Variants in NETO2 observed in about 807,000 individuals in gnomAD.
NETO2 encodes the protein neuropilin and tolloid-like protein 2.
Under a neutral mutation model 62.5 loss-of-function variants are expected in NETO2, and 28 were observed. That is an observed-to-expected ratio of 0.45 (90% confidence interval 0.33 to 0.61). NETO2 has a LOEUF of 0.61. Ranked by LOEUF, NETO2 falls within the 20% of genes least tolerant of loss-of-function variation. The pLI is 0.02. For missense variants in NETO2, 548 were observed against 643.2 expected (o/e 0.85, Z 1.60); for synonymous variants, 214 against 219.1 (o/e 0.98, Z 0.21).
chr16:47,136,712 A>AT (rs1964367448), intron 1 of NETO2, among the ~76,000 whole-genome samples: 1 of 152,134 alleles, frequency 6.6e-6, no homozygotes, highest in Non-Finnish European at 1.5e-5. Context: ...AGCCCCAAGA[A>AT]TTTATTATGA....
chr16:47,120,525 C>T (rs1250662904), intron 6 of NETO2, among the ~76,000 whole-genome samples: 3 of 152,154 alleles, frequency 2.0e-5, no homozygotes, highest in Non-Finnish European at 4.4e-5. Flanking sequence ...CCCAATTATG[C>T]TTATTTTAAA....
chr16:47,124,438 TA>T (rs547266003), intron 4 of NETO2, among the ~76,000 whole-genome samples: 1 of 152,002 alleles, frequency 6.6e-6, no homozygotes, highest in Non-Finnish European at 1.5e-5. Flanking sequence ...AGAATTTCAT[TA>T]AAAAAAATGA....
intron 1 of NETO2, among the ~76,000 whole-genome samples, chr16:47,141,830 A>C (rs1964466048): frequency 6.6e-6 from 1 of 152,368 alleles, no homozygotes; most frequent in Admixed American, 6.5e-5. Flanking sequence ...CCTGAAAGGT[A>C]CAACACTCAA....
At chr16:47,084,403 T>C (rs1963140386) in intron 8 of NETO2, among the ~76,000 whole-genome samples, 1 of 152,176 alleles carries the variant, frequency 6.6e-6, no homozygotes, top group South Asian at 2.1e-4. Context: ...TGGGTATCAC[T>C]GCAGGAGGTG....
intron 7 of NETO2, among the ~76,000 whole-genome samples, chr16:47,100,311 G>C (rs1189238049): frequency 1.3e-5 from 2 of 152,182 alleles, no homozygotes; most frequent in Non-Finnish European, 2.9e-5. Context: ...CTAAAGCAGT[G>C]TTTAGAGGGA....
Position 47,114,679 on chromosome 16 carries a change from C to T in NETO2, c.655-4968G>A, listed in dbSNP as rs1451056068. The stretch of plus-strand genomic sequence containing the variant: ...GTTAGCCAGGATGGCCTCGATTTCC[C>T]GACCTCGAGATCCGCCCGCCTCAGC... On this transcript the variant is annotated intron_variant, in intron 6 of 8. Coordinates refer to ENST00000562435, the MANE Select transcript of NETO2 (RefSeq NM_018092.5). Among the ~76,000 whole-genome samples the T allele has an allele frequency of 2.6e-5, 4 of 151,136 alleles. No individual in the cohort carries two copies. In the East Asian group the frequency reaches 7.8e-4, roughly 29 times the overall value.
intron 3 of NETO2, 62 bp from the exon 4 acceptor site, chr16:47,128,635 C>T (rs1434283574): frequency 1.1e-5 from 17 of 1,545,374 alleles, no homozygotes; most frequent in Non-Finnish European, 1.5e-5. Flanking sequence ...AATGTATTGA[C>T]ACAAATGAGA....
chr16:47,130,604 T>C (rs1254290578), intron 2 of NETO2, among the ~76,000 whole-genome samples: 1 of 152,030 alleles, frequency 6.6e-6, no homozygotes, highest in Non-Finnish European at 1.5e-5. Flanking sequence ...AAAACAAAGA[T>C]ACTGTACAAA....
chr16:47,120,764 T>C (rs187141231), intron 6 of NETO2, among the ~76,000 whole-genome samples: 13 of 152,364 alleles, frequency 8.5e-5, no homozygotes, highest in Middle Eastern at 6.8e-3. Flanking sequence ...AGCATCCTTT[T>C]GTAGACTATT....
intron 6 of NETO2, among the ~76,000 whole-genome samples, chr16:47,118,979 G>C (rs1006145365): frequency 2.0e-5 from 3 of 151,842 alleles, no homozygotes; most frequent in Non-Finnish European, 2.9e-5. Context: ...TTAATCTATA[G>C]GTTCTTGTTT....
intron 6 of NETO2, among the ~76,000 whole-genome samples, chr16:47,115,734 T>TATACATATATAC (rs1284230818): frequency 7.0e-6 from 1 of 142,522 alleles, no homozygotes; most frequent in African/African-American, 2.7e-5. Context: ...TATATATACA[T>TATACATATATAC]GTATATATAT....
intron 1 of NETO2, among the ~76,000 whole-genome samples, chr16:47,132,692 C>T (rs896719308): frequency 1.3e-5 from 2 of 152,196 alleles, no homozygotes; most frequent in African/African-American, 4.8e-5. Context: ...CTGCACTCTC[C>T]CTTTCAAAGG....
chr16:47,115,120 CCA>C (rs1374860615), intron 6 of NETO2, among the ~76,000 whole-genome samples: 12 of 152,186 alleles, frequency 7.9e-5, no homozygotes, highest in African/African-American at 2.7e-4. Flanking sequence ...TTTGTCAGTA[CCA>C]CAGTCTTGGT....
At chr16:47,113,582 ATTCT>A (rs1418035627) in intron 6 of NETO2, among the ~76,000 whole-genome samples, 4 of 120,698 alleles carry the variant, frequency 3.3e-5, no homozygotes, top group African/African-American at 9.3e-5. Context: ...ACCACAGTTT[ATTCT>A]TTTTTTTTTT....
At chr16:47,143,316 C>T (rs575299039) in intron 1 of NETO2, among the ~76,000 whole-genome samples, 1 of 152,144 alleles carries the variant, frequency 6.6e-6, no homozygotes, top group African/African-American at 2.4e-5. Context: ...TCCTGGCCGC[C>T]TTCCCGACCC....
rs915564078 is a variant in NETO2, at chr16:47,082,120, TAA to T, written c.*1099_*1100del. 2 of 152,496 alleles carry T rather than the reference TAA, an allele frequency of 1.3e-5. No individual in the cohort carries two copies. Among genetic ancestry groups the T allele is most frequent in the Admixed American group, 6.6e-5 (1 of 15,254 alleles). The allele number at this position is 152,496 out of a possible 1,614,324, so 9.4% of individuals were successfully genotyped here. A position where few individuals can be genotyped will look rare whatever the true frequency, so the allele number is the denominator to read the frequency against. On this transcript the variant is annotated 3_prime_UTR_variant, in exon 9 of 9. Transcript: ENST00000562435. Reference sequence around the variant, plus strand: ...TTTATAAATTATTGTTTTTATACCATAAAAAAAGTCAAAAGTGCAGTTTAAAA... The same window carrying T: ...TTTATAAATTATTGTTTTTATACCATAAAAAGTCAAAAGTGCAGTTTAAAA...
At chr16:47,086,619 T>C (rs1963195986) in intron 7 of NETO2, among the ~76,000 whole-genome samples, 1 of 152,216 alleles carries the variant, frequency 6.6e-6, no homozygotes, top group South Asian at 2.1e-4. Flanking sequence ...TGGTAGATTT[T>C]TTTTTCCAAA....
At chr16:47,106,696 A>T (rs1963682432) in intron 7 of NETO2, among the ~76,000 whole-genome samples, 1 of 152,204 alleles carries the variant, frequency 6.6e-6, no homozygotes, top group Non-Finnish European at 1.5e-5. Flanking sequence ...AAGATAAAAT[A>T]AAGTTGGTGT....
chr16:47,085,325 A>C (rs1963162736), intron 8 of NETO2, among the ~76,000 whole-genome samples: 1 of 152,220 alleles, frequency 6.6e-6, no homozygotes, highest in South Asian at 2.1e-4. Context: ...TTTACAATAC[A>C]AATGACAAAC....
Sources: gnomAD v4.1 joint callset for allele counts (sites outside exome capture counted in the v4.1 genomes callset) on GRCh38, gnomAD v4.1.1 for gene constraint, MANE v1.5 for transcripts, NCBI Gene and HGNC (gene_info 2026-07-23, HGNC 2026-07-21) for gene names.